The following BTBD10 variants were observed in gnomAD, a reference collection of about 807,000 sequenced individuals.
BTBD10 encodes the protein BTB domain containing 10, also known as BTB/POZ domain-containing protein 10.
BTBD10 carries 21 observed loss-of-function variants against 53.2 expected under a neutral mutation model. The ratio of observed to expected loss-of-function variants is 0.39; its 90% CI spans 0.28 to 0.57. The LOEUF is 0.57. Ranked by LOEUF, BTBD10 falls within the 20% of genes least tolerant of loss-of-function variation. The probability of loss-of-function intolerance (pLI) is 0.53; values close to 1 mark genes in which losing one functional copy is unlikely to be tolerated. For missense variants in BTBD10, 360 were observed against 594.7 expected (o/e 0.61, Z 4.10); for synonymous variants, 149 against 192.7 (o/e 0.77, Z 1.88).
At chr11:13,435,580 C>T (rs1950532299) in intron 2 of BTBD10, among the ~76,000 whole-genome samples, 1 of 152,198 alleles carries the variant, frequency 6.6e-6, no homozygotes, top group Non-Finnish European at 1.5e-5. Context: ...GCAACCTCCA[C>T]CTCCCAGGTT....
At chr11:13,448,684 G>C (rs1950794428) in intron 1 of BTBD10, among the ~76,000 whole-genome samples, 1 of 151,992 alleles carries the variant, frequency 6.6e-6, no homozygotes, top group Admixed American at 6.6e-5. Context: ...AAAAATGTTG[G>C]CTGACCTCCT....
chr11:13,413,125 T>C lies in BTBD10; in HGVS notation c.808+405A>G, dbSNP rs373023423. On this transcript the variant is annotated intron_variant, in intron 6 of 8. Coordinates refer to ENST00000278174, the MANE Select transcript of BTBD10 (RefSeq NM_032320.7). ...TATTGTTTTTGAGAATTATTTGTGTTTTCCATAGTGCTCATATTATCACAC... is the reference window on the plus strand; with the variant it reads ...TATTGTTTTTGAGAATTATTTGTGTCTTCCATAGTGCTCATATTATCACAC... Among the ~76,000 whole-genome samples the C allele has an allele frequency of 2.2e-4, 34 of 152,300 alleles. No individual in the cohort carries two copies. The East Asian group carries it at 5.6e-3, about 25-fold the overall frequency.
chr11:13,454,815 A>G (rs1279627575), intron 1 of BTBD10, among the ~76,000 whole-genome samples: 2 of 152,192 alleles, frequency 1.3e-5, no homozygotes, highest in African/African-American at 4.8e-5. Flanking sequence ...AGGCATTTTG[A>G]TAACTGCTAG....
intron 1 of BTBD10, among the ~76,000 whole-genome samples, 185 bp from the exon 2 acceptor site, chr11:13,445,366 C>A (rs1565268144): frequency 6.6e-6 from 1 of 152,124 alleles, no homozygotes; most frequent in African/African-American, 2.4e-5. Context: ...AAGTACTTTT[C>A]ATTTGATTTG....
chr11:13,392,561 A>AT lies in BTBD10; in HGVS notation c.1118-3421dup, dbSNP rs199502059. ...ACTCTTTATTAAAAGAGAAGCTCAG[A>AT]TTTTTTTTTTTAGCTTAGTTTGTTC... On this transcript the variant is annotated intron_variant, in intron 8 of 8. Coordinates refer to ENST00000278174, the MANE Select transcript of BTBD10 (RefSeq NM_032320.7). Among the ~76,000 whole-genome samples the AT allele has an allele frequency of 1.3e-3, 192 of 147,656 alleles. 1 individual carries two copies. The highest frequency in any genetic ancestry group is 2.9e-3 in the African/African-American group (119 of 40,480).
At chr11:13,399,854 G>C (rs572205568) in intron 8 of BTBD10, among the ~76,000 whole-genome samples, 14 of 152,290 alleles carry the variant, frequency 9.2e-5, no homozygotes, top group Non-Finnish European at 1.6e-4. Flanking sequence ...AGTGCCTACA[G>C]AACAGCAGAT....
At chr11:13,416,164 C>G (rs1327067385) in intron 5 of BTBD10, among the ~76,000 whole-genome samples, 2 of 151,302 alleles carry the variant, frequency 1.3e-5, no homozygotes. Context: ...TCAGCCTGGG[C>G]AACATGGCGA....
At chr11:13,397,370 G>C (rs1949582038) in intron 8 of BTBD10, among the ~76,000 whole-genome samples, 1 of 152,222 alleles carries the variant, frequency 6.6e-6, no homozygotes. Context: ...TTGTATTTCT[G>C]TGGGATTGGT....
chr11:13,448,870 A>G (rs982632213), intron 1 of BTBD10, among the ~76,000 whole-genome samples: 1 of 152,208 alleles, frequency 6.6e-6, no homozygotes, highest in African/African-American at 2.4e-5. Flanking sequence ...GGATCTTGTA[A>G]TCATCAAAAA....
At position 13,445,164 on chromosome 11, in the gene BTBD10, A is replaced by G. The variant is rs1410855352; in HGVS notation, c.-40T>C. 3 of 1,418,870 alleles carry G rather than the reference A, an allele frequency of 2.1e-6. No homozygotes were observed. The East Asian group carries it at 6.8e-5, about 32-fold the overall frequency. 87.9% of individuals were successfully genotyped at this position (1,418,870 alleles called of 1,614,324 possible). On this transcript the variant is annotated 5_prime_UTR_variant, in exon 2 of 9. Coordinates refer to ENST00000278174, the MANE Select transcript of BTBD10 (RefSeq NM_032320.7). ...CCTCACACTACTGCTCTGAAAGCACACATGTAGCACCCATAACCTACATAA... is the reference window on the plus strand; with the variant it reads ...CCTCACACTACTGCTCTGAAAGCACGCATGTAGCACCCATAACCTACATAA...
intron 1 of BTBD10, among the ~76,000 whole-genome samples, chr11:13,461,632 A>G (rs1184065387): frequency 6.6e-6 from 1 of 152,238 alleles, no homozygotes; most frequent in Non-Finnish European, 1.5e-5. Context: ...GGAGTGAGAA[A>G]GAAGAAAATT....
chr11:13,419,695 T>C lies in BTBD10; in HGVS notation c.349A>G (p.Lys117Glu), dbSNP rs781110718. Residue 117 changes from lysine (K) to glutamate (E), a missense_variant, in exon 4 of 9, where the codon AAA becomes GAA. Lys to Glu is a moderately conservative substitution (Grantham distance 56). Coordinates refer to ENST00000278174, the MANE Select transcript of BTBD10 (RefSeq NM_032320.7). ...CTAATGGAACCATTTGGGGATGCTT[T>C]TTGAGGACGCGGACTGCTTGGACGA... is the stretch of plus-strand genomic sequence containing the variant. The part of the protein sequence containing the change: ...SSRPSSPRPQ[K>E]ASPNGSISSA... 6 of 1,613,540 alleles carry C rather than the reference T, an allele frequency of 3.7e-6. No homozygotes were observed. The Admixed American group carries it at 1.0e-4, about 27-fold the overall frequency.
At chr11:13,424,315 A>G (rs1370855977) in intron 2 of BTBD10, among the ~76,000 whole-genome samples, 2 of 152,194 alleles carry the variant, frequency 1.3e-5, no homozygotes, top group Non-Finnish European at 2.9e-5. Context: ...TTCACCAGAC[A>G]TCCCTGTAGC....
chr11:13,431,027 A>G (rs1421401429), intron 2 of BTBD10, among the ~76,000 whole-genome samples: 2 of 151,800 alleles, frequency 1.3e-5, no homozygotes, highest in Non-Finnish European at 2.9e-5. Context: ...AGCAAATTGT[A>G]CACCAGAATT....
chr11:13,418,377 A>G (rs1331200364), intron 4 of BTBD10, among the ~76,000 whole-genome samples: 1 of 152,104 alleles, frequency 6.6e-6, no homozygotes, highest in Non-Finnish European at 1.5e-5. Flanking sequence ...TTTCACATCA[A>G]TATGAACACT....
intron 8 of BTBD10, among the ~76,000 whole-genome samples, chr11:13,400,268 C>T (rs911187218): frequency 5.9e-5 from 9 of 152,212 alleles, no homozygotes; most frequent in East Asian, 1.9e-4. Context: ...CCCCCAGCCT[C>T]GCTGCCACCT....
intron 6 of BTBD10, among the ~76,000 whole-genome samples, chr11:13,407,041 T>C (rs1184804703): frequency 6.6e-6 from 1 of 152,168 alleles, no homozygotes; most frequent in Non-Finnish European, 1.5e-5. Context: ...TTAAAGACAA[T>C]AACCATCTTT....
intron 8 of BTBD10, among the ~76,000 whole-genome samples, chr11:13,402,039 T>A (rs1476216199): frequency 1.3e-5 from 2 of 152,178 alleles, no homozygotes; most frequent in Non-Finnish European, 2.9e-5. Flanking sequence ...GTCCTCCCAA[T>A]CTAAAGTAGC....
chr11:13,443,140 G>A (rs1401034128), intron 2 of BTBD10, among the ~76,000 whole-genome samples: 2 of 151,960 alleles, frequency 1.3e-5, no homozygotes, highest in African/African-American at 4.8e-5. Flanking sequence ...TGTAGTCCTA[G>A]GTACTCCAGA....
Sources: gnomAD v4.1 joint callset for allele counts (sites outside exome capture counted in the v4.1 genomes callset) on GRCh38, gnomAD v4.1.1 for gene constraint, MANE v1.5 for transcripts, NCBI Gene and HGNC (gene_info 2026-07-23, HGNC 2026-07-21) for gene names.